The following TBC1D32 variants were observed in gnomAD, a reference collection of about 807,000 sequenced individuals.
TBC1D32 encodes protein broad-minded.
In TBC1D32, 151 loss-of-function variants were observed where a neutral mutation model predicts 170.3. The ratio of observed to expected loss-of-function variants is 0.89; its 90% CI spans 0.78 to 1.01. The LOEUF (loss-of-function observed/expected upper bound fraction) is 1.01. TBC1D32 is among the 50% of genes least tolerant of loss of function. The pLI is 0.00. For synonymous variants in TBC1D32, 498 were observed against 488.0 expected, an observed-to-expected ratio of 1.02 and a Z score of -0.27; for missense variants, 1,464 against 1,457.1, an observed-to-expected ratio of 1.00 and a Z score of -0.08.
At chr6:121,239,030 CT>C in intron 20 of TBC1D32, 39 bp downstream of exon 20, 1 of 1,142,420 alleles carries the variant, frequency 8.8e-7, no homozygotes, top group Non-Finnish European at 1.3e-6. Context: ...CTGTGAAATA[CT>C]TTTCAAATCT....
At chr6:121,094,152 A>C (rs1328051004) in intron 30 of TBC1D32, among the ~76,000 whole-genome samples, 3 of 151,718 alleles carry the variant, frequency 2.0e-5, no homozygotes, top group Admixed American at 6.6e-5. Context: ...CATAAATTTT[A>C]ATCTCTGAGC....
Position 121,111,829 on chromosome 6 carries a change from T to C in TBC1D32, c.3324+676A>G, listed in dbSNP as rs115390168. 7.6e-3 allele frequency among the ~76,000 whole-genome samples: 1,157 copies of C among 152,292 alleles called. 18 individuals are homozygous for C. The highest frequency in any genetic ancestry group is 0.027 in the African/African-American group (1,109 of 41,570). Reference sequence around the variant, plus strand: ...CTCCTTAGTTTATCCTTGACTGTCATGTGATTTCACTGTCCAAATGCAACA... The same window carrying C: ...CTCCTTAGTTTATCCTTGACTGTCACGTGATTTCACTGTCCAAATGCAACA... On this transcript the variant is annotated intron_variant, in intron 29 of 31. Coordinates refer to ENST00000398212, the MANE Select transcript of TBC1D32 (RefSeq NM_152730.6).
chr6:121,326,543 T>C (rs1423771915), intron 1 of TBC1D32, among the ~76,000 whole-genome samples: 2 of 152,182 alleles, frequency 1.3e-5, no homozygotes, highest in Non-Finnish European at 2.9e-5. Flanking sequence ...CAGCTGTAAA[T>C]AGCAAATATC....
chr6:121,182,458 C>A (rs903822701), intron 22 of TBC1D32, among the ~76,000 whole-genome samples: 3 of 151,866 alleles, frequency 2.0e-5, no homozygotes, highest in Non-Finnish European at 4.4e-5. Context: ...TATAAAGATT[C>A]CTGTAAGATT....
At chr6:121,120,206 G>A (rs538065966) in intron 26 of TBC1D32, among the ~76,000 whole-genome samples, 4 of 152,084 alleles carry the variant, frequency 2.6e-5, no homozygotes, top group Non-Finnish European at 4.4e-5. Context: ...AATAGCTTCA[G>A]CTGGAACCTT....
chr6:121,155,556 T>C (rs1784772669), intron 24 of TBC1D32, among the ~76,000 whole-genome samples: 1 of 152,076 alleles, frequency 6.6e-6, no homozygotes, highest in Non-Finnish European at 1.5e-5. Flanking sequence ...GTAGTGAGAG[T>C]AGGCATAGTT....
At chr6:121,153,116 G>T (rs1177626285) in intron 24 of TBC1D32, among the ~76,000 whole-genome samples, 1 of 152,086 alleles carries the variant, frequency 6.6e-6, no homozygotes, top group East Asian at 1.9e-4. Context: ...TTTTTTACTG[G>T]TTTTTCCTCA....
At chr6:121,170,522 A>T in intron 22 of TBC1D32, 1 of 1,545,578 alleles carries the variant, frequency 6.5e-7, no homozygotes, top group Non-Finnish European at 8.7e-7. Context: ...TATCACACTT[A>T]ATAACCTATA....
chr6:121,323,693 G>A (rs574402520), intron 1 of TBC1D32, among the ~76,000 whole-genome samples: 33 of 152,292 alleles, frequency 2.2e-4, no homozygotes, highest in Non-Finnish European at 4.0e-4. Flanking sequence ...TGTGATCCCA[G>A]CACTTTGGGA....
At chr6:121,088,218 A>G (rs1776449779) in intron 31 of TBC1D32, among the ~76,000 whole-genome samples, 1 of 152,006 alleles carries the variant, frequency 6.6e-6, no homozygotes, top group African/African-American at 2.4e-5. Flanking sequence ...ACCTCCCAAG[A>G]TATGGGGATT....
At chr6:121,261,213 T>C (rs1284976931) in intron 15 of TBC1D32, among the ~76,000 whole-genome samples, 1 of 152,174 alleles carries the variant, frequency 6.6e-6, no homozygotes, top group Non-Finnish European at 1.5e-5. Flanking sequence ...TCCTGCTAGC[T>C]CTGAGGAATC....
chr6:121,215,647 A>T (rs1250248857), intron 21 of TBC1D32, among the ~76,000 whole-genome samples: 8 of 94,660 alleles, frequency 8.5e-5, no homozygotes, highest in Non-Finnish European at 1.8e-4. Flanking sequence ...TAAGAAACTT[A>T]AAGAAATTTG....
At chr6:121,107,613 T>C (rs904133973) in intron 29 of TBC1D32, among the ~76,000 whole-genome samples, 45 of 151,946 alleles carry the variant, frequency 3.0e-4, no homozygotes, top group African/African-American at 1.1e-3. Flanking sequence ...TGATTTATCT[T>C]CTTTTGTGAA....
intron 24 of TBC1D32, among the ~76,000 whole-genome samples, chr6:121,156,941 C>CCA (rs1242290474): frequency 5.3e-5 from 8 of 152,098 alleles, no homozygotes; most frequent in Non-Finnish European, 1.2e-4. Context: ...TGGTCAATCA[C>CCA]AGAATATGTT....
chr6:121,170,595 A>T, intron 22 of TBC1D32: 1 of 1,245,290 alleles, frequency 8.0e-7, no homozygotes, highest in Non-Finnish European at 1.1e-6. Context: ...TACATCCTTG[A>T]TGTCTCAAAG....
intron 4 of TBC1D32, among the ~76,000 whole-genome samples, chr6:121,308,647 G>T (rs1807693620): frequency 6.9e-6 from 1 of 144,750 alleles, no homozygotes; most frequent in Non-Finnish European, 1.5e-5. Context: ...GCAGTGGGAT[G>T]CAAAATTGTA....
intron 25 of TBC1D32, among the ~76,000 whole-genome samples, chr6:121,128,875 G>A (rs372835678): frequency 1.3e-5 from 2 of 152,124 alleles, no homozygotes; most frequent in African/African-American, 4.8e-5. Context: ...CAAACAGATA[G>A]TACTCAGAAG....
At chr6:121,260,177 C>T (rs1382394612) in intron 15 of TBC1D32, among the ~76,000 whole-genome samples, 1 of 152,082 alleles carries the variant, frequency 6.6e-6, no homozygotes, top group African/African-American at 2.4e-5. Flanking sequence ...GTCCCACTTT[C>T]TTGTATCGTT....
At chr6:121,273,853 A>T (rs1801842036) in intron 15 of TBC1D32, among the ~76,000 whole-genome samples, 1 of 152,134 alleles carries the variant, frequency 6.6e-6, no homozygotes, top group South Asian at 2.1e-4. Flanking sequence ...GGCAAGCTGT[A>T]ACCAAAATGA....
Sources: gnomAD v4.1 joint callset for allele counts (sites outside exome capture counted in the v4.1 genomes callset) on GRCh38, gnomAD v4.1.1 for gene constraint, MANE v1.5 for transcripts, NCBI Gene and HGNC (gene_info 2026-07-23, HGNC 2026-07-21) for gene names.